Variants in SEC61A1 observed in about 807,000 individuals in gnomAD.
The protein encoded by SEC61A1 is SEC61 translocon subunit alpha 1.
Under a neutral mutation model 55.2 loss-of-function variants are expected in SEC61A1, and 15 were observed. The observed-to-expected ratio is 0.27, with a 90% CI of 0.18 to 0.42. The LOEUF (loss-of-function observed/expected upper bound fraction) is 0.42. Among genes scored for constraint, SEC61A1 ranks in the 10% least tolerant of loss-of-function variants. SEC61A1 has a pLI of 1.00. For synonymous variants in SEC61A1, 247 were observed against 234.0 expected (o/e 1.06, Z -0.51); for missense variants, 284 against 602.6 (o/e 0.47, Z 5.53).
At chr3:128,062,545 C>G (rs1334087826) in intron 7 of SEC61A1, among the ~76,000 whole-genome samples, 1 of 152,216 alleles carries the variant, frequency 6.6e-6, no homozygotes, top group African/African-American at 2.4e-5. Flanking sequence ...AAGACCGCCA[C>G]AGGGTGAGAT....
chr3:128,069,791 C>T lies in SEC61A1; in HGVS notation c.*129C>T. ...TTTTGAATTTCGTATTCTTTCATTC[C>T]ACTGTGTAAAGTGCTAGACATTTTC... On this transcript the variant is annotated 3_prime_UTR_variant, in exon 12 of 12. Transcript: ENST00000243253. The T allele has an allele frequency of 2.3e-6, 2 of 855,686 alleles. No individual in the cohort carries two copies. The highest frequency in any genetic ancestry group is 3.6e-6 in the Non-Finnish European group (2 of 549,718). 53.0% of individuals were successfully genotyped at this position (855,686 alleles called of 1,614,324 possible).
intron 8 of SEC61A1, among the ~76,000 whole-genome samples, chr3:128,066,323 C>T (rs1430923714): frequency 6.6e-6 from 1 of 151,918 alleles, no homozygotes; most frequent in East Asian, 1.9e-4. Context: ...GGCCTCCAGG[C>T]TTTTCTCCAT....
chr3:128,066,777 C>T, intron 8 of SEC61A1, 177 bp from the exon 9 acceptor site: 1 of 613,504 alleles, frequency 1.6e-6, no homozygotes, highest in South Asian at 2.0e-5. Flanking sequence ...GTGCCAAGTG[C>T]AGGAGTGCAG....
Position 128,067,151 on chromosome 3 carries a change from G to C in SEC61A1, c.975G>C (p.Ser325=), listed in dbSNP as rs1037950065. 2.5e-6 allele frequency: 4 copies of C among 1,614,018 alleles called. No homozygotes were observed. The highest frequency in any genetic ancestry group is 3.4e-6 in the Non-Finnish European group (4 of 1,179,916). Residue 325 remains serine, a splice_region_variant and synonymous_variant, in exon 9 of 12, where the codon TCG becomes TCC. Transcript: ENST00000243253. This position sits in a 1 kb window ranked among gnomAD's most constrained non-coding sequence, Gnocchi z 4.1. ...TGGTCAGCCTGCTGGGCACCTGGTC[G>C]GTAAGTAGGCTCTTTGAAGATGAGC... The part of the protein sequence containing the change: ...NLLVSLLGTW[S]DTSSGGPARA...
At chr3:128,052,602 G>A in intron 1 of SEC61A1, 43 bp downstream of exon 1, 1 of 1,581,726 alleles carries the variant, frequency 6.3e-7, no homozygotes, top group Non-Finnish European at 8.6e-7. Context: ...GGACGGAACA[G>A]ATCCCCCTTC....
intron 4 of SEC61A1, 88 bp from the exon 5 acceptor site, chr3:128,056,620 AC>A: frequency 8.3e-7 from 1 of 1,198,038 alleles, no homozygotes; most frequent in Non-Finnish European, 1.1e-6. Flanking sequence ...TATAAGGGGT[AC>A]CCAGTCAAAT....
Position 128,067,666 on chromosome 3 carries a change from G to T in SEC61A1, c.1167+54G>T, listed in dbSNP as rs1942023592. On this transcript the variant is annotated intron_variant, in intron 10 of 11. Coordinates refer to ENST00000243253, the MANE Select transcript of SEC61A1 (RefSeq NM_013336.4). This position sits in a 1 kb window ranked among gnomAD's most constrained non-coding sequence, Gnocchi z 4.1. ...GTGATGAAAGTGTGACTGGTATAAG[G>T]GGTGTGGACTTGTCACCTCATCATA... The T allele has an allele frequency of 7.2e-7, 1 of 1,384,538 alleles. No individual in the cohort carries two copies. Among genetic ancestry groups the T allele is most frequent in the South Asian group, 1.3e-5 (1 of 78,048 alleles). The allele number at this position is 1,384,538 out of a possible 1,614,324, so 85.8% of individuals were successfully genotyped here.
chr3:128,052,926 A>G lies in SEC61A1; in HGVS notation c.75+24A>G, dbSNP rs1443377730. ...AGGTAAGTACCCCAAATCGCCAACA[A>G]AGAAGGTTTCAGGAAACTGTCTGGA... On this transcript the variant is annotated intron_variant, in intron 2 of 11. Transcript: ENST00000243253. The G allele has an allele frequency of 1.2e-5, 19 of 1,593,788 alleles. No homozygotes were observed. In the Admixed American group the frequency reaches 3.3e-4, roughly 28 times the overall value.
At chr3:128,068,775 G>A (rs1942062716) in intron 11 of SEC61A1, 1 of 152,704 alleles carries the variant, frequency 6.5e-6, no homozygotes, top group African/African-American at 2.4e-5. Flanking sequence ...AGTCTGCACA[G>A]TCCTCAGTAC....
upstream of SEC61A1, chr3:128,051,654 T>G (rs1373508565): frequency 9.2e-6 from 13 of 1,412,560 alleles, no homozygotes; most frequent in Non-Finnish European, 1.2e-5. Context: ...CACACCGCCA[T>G]GCTTTGCCCA....
intron 7 of SEC61A1, among the ~76,000 whole-genome samples, chr3:128,062,979 A>G (rs1941872200): frequency 6.6e-6 from 1 of 152,190 alleles, no homozygotes; most frequent in African/African-American, 2.4e-5. Flanking sequence ...CACCATCCAG[A>G]TCTGGGTCCA....
At chr3:128,059,794 C>G (rs1004802533) in intron 5 of SEC61A1, among the ~76,000 whole-genome samples, 1 of 152,148 alleles carries the variant, frequency 6.6e-6, no homozygotes, top group African/African-American at 2.4e-5. Flanking sequence ...GTTCTACTCC[C>G]TGATTTTCTT....
intron 8 of SEC61A1, among the ~76,000 whole-genome samples, chr3:128,065,670 T>C (rs9819960): frequency 0.23 from 34,944 of 151,762 alleles, 4,103 homozygotes; most frequent in South Asian, 0.27. Flanking sequence ...AGCCACATTC[T>C]TGCTTAATAA....
chr3:128,059,487 A>G (rs945744368), intron 5 of SEC61A1, among the ~76,000 whole-genome samples: 4 of 152,102 alleles, frequency 2.6e-5, no homozygotes, highest in African/African-American at 7.2e-5. Flanking sequence ...AAAAAAGGAA[A>G]GCTTCTATTA....
At chr3:128,056,295 A>G (rs1941769201) in intron 4 of SEC61A1, among the ~76,000 whole-genome samples, 1 of 152,236 alleles carries the variant, frequency 6.6e-6, no homozygotes, top group African/African-American at 2.4e-5. Context: ...TCATTTTAAC[A>G]TAATGGGAAG....
At position 128,056,805 on chromosome 3, in the gene SEC61A1, C is replaced by G; in HGVS notation, c.317C>G (p.Pro106Arg). ...AAGATAATTGAAGTTGGTGACACCCCAAAAGACCGAGCTCTCTTCAACGGA... is the reference window on the plus strand; with the variant it reads ...AAGATAATTGAAGTTGGTGACACCCGAAAAGACCGAGCTCTCTTCAACGGA... ...GAKIIEVGDT[P>R]KDRALFNGAQ... Residue 106 changes from proline to arginine, a missense_variant, in exon 5 of 12, where the codon CCA becomes CGA. Pro to Arg is a moderately radical substitution (Grantham distance 103, BLOSUM62 -2). Coordinates refer to ENST00000243253, the MANE Select transcript of SEC61A1 (RefSeq NM_013336.4). 1 of 1,609,608 alleles carries G rather than the reference C, an allele frequency of 6.2e-7. No homozygotes were observed. The highest frequency in any genetic ancestry group is 8.5e-7 in the Non-Finnish European group (1 of 1,177,814).
chr3:128,067,278 C>T lies in SEC61A1; in HGVS notation c.975+127C>T. 7.8e-7 allele frequency: 1 copy of T among 1,289,874 alleles called. No homozygotes were observed. The highest frequency in any genetic ancestry group is 1.4e-5 in the South Asian group (1 of 72,442). 79.9% of individuals were successfully genotyped at this position (1,289,874 alleles called of 1,614,324 possible). Reference sequence around the variant, plus strand: ...CATTGTGCCTTTTACAAATTCAGCACATTAAATTATCTTTTCAGTAAAAAA... The same window carrying T: ...CATTGTGCCTTTTACAAATTCAGCATATTAAATTATCTTTTCAGTAAAAAA... On this transcript the variant is annotated intron_variant, in intron 9 of 11. Transcript: ENST00000243253. This position sits in a 1 kb window ranked among gnomAD's most constrained non-coding sequence, Gnocchi z 4.1.
intron 5 of SEC61A1, among the ~76,000 whole-genome samples, chr3:128,059,782 AG>A (rs1387645488): frequency 1.3e-5 from 2 of 152,136 alleles, no homozygotes; most frequent in Non-Finnish European, 2.9e-5. Context: ...TGTCAGGAGT[AG>A]GTTCTACTCC....
upstream of SEC61A1, chr3:128,052,009 G>A (rs930170113): frequency 1.1e-6 from 1 of 902,770 alleles, no homozygotes; most frequent in African/African-American, 1.6e-5. Context: ...CCCTGCTCCA[G>A]GGAGCTTACG....
Sources: gnomAD v4.1 joint callset for allele counts (sites outside exome capture counted in the v4.1 genomes callset) on GRCh38, gnomAD v4.1.1 for gene constraint, Gnocchi (gnomAD v3.1) non-coding constraint, MANE v1.5 for transcripts, NCBI Gene and HGNC (gene_info 2026-07-23, HGNC 2026-07-21) for gene names.